Variants in RASSF3 observed in about 807,000 individuals in gnomAD.
The protein encoded by RASSF3 is Ras association domain family member 3.
RASSF3 carries 19 observed loss-of-function variants against 19.9 expected under a neutral mutation model. The ratio of observed to expected loss-of-function variants is 0.96; its 90% CI spans 0.67 to 1.40. RASSF3 has a LOEUF of 1.40. RASSF3 is among the 40% of genes most tolerant of loss of function. The probability of loss-of-function intolerance (pLI) is 0.00; values close to 1 mark genes in which losing one functional copy is unlikely to be tolerated. For synonymous variants in RASSF3, 110 were observed against 104.2 expected, an observed-to-expected ratio of 1.06 and a Z score of -0.34; for missense variants, 306 against 289.8, an observed-to-expected ratio of 1.06 and a Z score of -0.41.
At chr12:64,546,539 G>A (rs1869067096), downstream of RASSF3, among the ~76,000 whole-genome samples, 1 of 152,158 alleles carries the variant, frequency 6.6e-6, no homozygotes, top group Non-Finnish European at 1.5e-5. Context: ...CAAAGTGCTG[G>A]GATAAAAGGC....
rs138033803 is a variant in RASSF3 at position 64,644,814 on chromosome 12, A to G, written c.111+34071A>G. Among the ~76,000 whole-genome samples the G allele has an allele frequency of 2.8e-3, 425 of 152,350 alleles. 3 individuals carry two copies. The highest frequency in any genetic ancestry group is 9.9e-3 in the African/African-American group (410 of 41,582). On this transcript the variant is annotated intron_variant, in intron 1 of 4. Transcript: ENST00000542104. ...ATGCCATGTTTATCCTGTTACTTCC[A>G]GGATACCTGGGAATACCCAGAGGTT...
intron 2 of RASSF3, among the ~76,000 whole-genome samples, chr12:64,547,339 A>G (rs1869083109): frequency 6.6e-6 from 1 of 151,734 alleles, no homozygotes; most frequent in Non-Finnish European, 1.5e-5. Flanking sequence ...AGGCTGAGGC[A>G]GGCGGATCAC....
At chr12:64,564,811 C>T (rs1383593571) in intron 2 of RASSF3, among the ~76,000 whole-genome samples, 2 of 148,448 alleles carry the variant, frequency 1.3e-5, no homozygotes, top group South Asian at 2.1e-4. Context: ...GAGGGAGTCT[C>T]GCTCTGTTGC....
intron 1 of RASSF3, among the ~76,000 whole-genome samples, chr12:64,631,605 T>C (rs567428924): frequency 3.3e-5 from 5 of 152,228 alleles, no homozygotes; most frequent in Non-Finnish European, 5.9e-5. Context: ...ATAGTCTTGC[T>C]CTGTCGCCCA....
chr12:64,565,519 C>A (rs966326698), intron 2 of RASSF3, among the ~76,000 whole-genome samples: 18 of 152,138 alleles, frequency 1.2e-4, no homozygotes, highest in Non-Finnish European at 2.5e-4. Flanking sequence ...TTGAGACTAG[C>A]CCGGCCAACA....
At chr12:64,516,771 G>A (rs1426150638) in intron 1 of RASSF3, among the ~76,000 whole-genome samples, 1 of 151,852 alleles carries the variant, frequency 6.6e-6, no homozygotes, top group African/African-American at 2.4e-5. Flanking sequence ...AGGCCGAGGC[G>A]GGTGGATCAT....
intron 2 of RASSF3, 54 bp from the exon 3 acceptor site, chr12:64,688,162 C>G (rs567980903): frequency 6.0e-5 from 74 of 1,236,072 alleles, no homozygotes; most frequent in Non-Finnish European, 7.8e-5. Flanking sequence ...TATGCTTCTT[C>G]CCTAAAGTGC....
intron 1 of RASSF3, among the ~76,000 whole-genome samples, chr12:64,630,705 T>G (rs1191015285): frequency 6.6e-6 from 1 of 151,836 alleles, no homozygotes; most frequent in Non-Finnish European, 1.5e-5. Context: ...AGGGGCTGGG[T>G]TGGAGATACT....
intron 1 of RASSF3, among the ~76,000 whole-genome samples, chr12:64,683,306 G>T (rs1327895954): frequency 6.6e-6 from 1 of 152,152 alleles, no homozygotes; most frequent in Non-Finnish European, 1.5e-5. Context: ...TTGGTGCCTG[G>T]TATACTTCAT....
At chr12:64,659,157 C>T (rs187288294) in intron 1 of RASSF3, among the ~76,000 whole-genome samples, 1 of 152,254 alleles carries the variant, frequency 6.6e-6, no homozygotes, top group East Asian at 1.9e-4. Context: ...CATGGTCCTG[C>T]CTGTGTTTTT....
At chr12:64,514,992 A>G (rs950153297) in intron 1 of RASSF3, among the ~76,000 whole-genome samples, 2 of 151,306 alleles carry the variant, frequency 1.3e-5, no homozygotes, top group Non-Finnish European at 2.9e-5. Flanking sequence ...TAGCTTCCCA[A>G]TACAATTTTT....
intron 2 of RASSF3, among the ~76,000 whole-genome samples, chr12:64,563,175 T>A (rs1033291270): frequency 6.6e-6 from 1 of 151,122 alleles, no homozygotes; most frequent in Non-Finnish European, 1.5e-5. Context: ...TTATTTTTAT[T>A]TTTTTTTTGA....
At chr12:64,609,500 C>A (rs1870262076), upstream of RASSF3, 1 of 152,046 alleles carries the variant, frequency 6.6e-6, no homozygotes, top group African/African-American at 2.4e-5. Flanking sequence ...CTTGCAGCTT[C>A]AAAAAAACCT....
chr12:64,599,900 C>T (rs1480030716), intron 2 of RASSF3, among the ~76,000 whole-genome samples: 2 of 151,756 alleles, frequency 1.3e-5, no homozygotes, highest in South Asian at 2.1e-4. Context: ...GGCGTGGTGG[C>T]GGGCGCCTGT....
intron 1 of RASSF3, among the ~76,000 whole-genome samples, chr12:64,614,354 C>G (rs1391327682): frequency 3.3e-5 from 5 of 152,070 alleles, no homozygotes; most frequent in Admixed American, 3.3e-4. Context: ...TCTTGAATTC[C>G]TGACCTCAGG....
chr12:64,663,637 C>T (rs1439252623), intron 1 of RASSF3, among the ~76,000 whole-genome samples: 1 of 151,824 alleles, frequency 6.6e-6, no homozygotes, highest in East Asian at 1.9e-4. Flanking sequence ...TCCCGAGTAG[C>T]TGGGACTACA....
At position 64,642,588 on chromosome 12, in the gene RASSF3, AG is replaced by A. The variant is rs372696075; in HGVS notation, c.111+31846del. The stretch of plus-strand genomic sequence containing the variant: ...AAAAAAAAAAAAAAAAAAAAAAAAA[AG>A]ATTCATCAAAACTTTGTAATTAATA... On this transcript the variant is annotated intron_variant, in intron 1 of 4. Coordinates refer to ENST00000542104, the MANE Select transcript of RASSF3 (RefSeq NM_178169.4). 4.2e-3 allele frequency among the ~76,000 whole-genome samples: 431 copies of A among 102,832 alleles called. 24 individuals are homozygous for A. Among genetic ancestry groups the A allele is most frequent in the African/African-American group, 0.011 (239 of 21,286 alleles). The allele number at this position is 102,832 out of a possible 152,430, so 67.5% of individuals were successfully genotyped here. A position where few individuals can be genotyped will look rare whatever the true frequency, so the allele number is the denominator to read the frequency against.
chr12:64,613,088 G>T (rs1870426285), intron 1 of RASSF3, among the ~76,000 whole-genome samples: 1 of 152,166 alleles, frequency 6.6e-6, no homozygotes, highest in Non-Finnish European at 1.5e-5. Flanking sequence ...TTTATTTAAA[G>T]AAGTGATATG....
intron 2 of RASSF3, among the ~76,000 whole-genome samples, chr12:64,580,379 A>G (rs576787931): frequency 5.9e-5 from 9 of 152,254 alleles, no homozygotes; most frequent in African/African-American, 1.9e-4. Context: ...TAGAACTGCC[A>G]TAACAAAGTT....
Sources: gnomAD v4.1 joint callset for allele counts (sites outside exome capture counted in the v4.1 genomes callset) on GRCh38, gnomAD v4.1.1 for gene constraint, MANE v1.5 for transcripts, NCBI Gene and HGNC (gene_info 2026-07-23, HGNC 2026-07-21) for gene names.